RBFOX2: variants seen among roughly 807,000 people sequenced by gnomAD.
The protein encoded by RBFOX2 is RNA binding protein fox-1 homolog 2.
Under a neutral mutation model 49.1 loss-of-function variants are expected in RBFOX2, and 10 were observed. The ratio of observed to expected loss-of-function variants is 0.20; its 90% CI spans 0.13 to 0.35. The LOEUF (loss-of-function observed/expected upper bound fraction) is 0.35, where lower values mean the gene tolerates loss of function less well. Ranked by LOEUF, RBFOX2 falls within the 10% of genes least tolerant of loss-of-function variation. RBFOX2 has a pLI of 1.00. For synonymous variants in RBFOX2, 183 were observed against 187.4 expected, an observed-to-expected ratio of 0.98 and a Z score of 0.19; for missense variants, 323 against 486.9, an observed-to-expected ratio of 0.66 and a Z score of 3.17.
chr22:35,845,222 A>G (rs1389046585), upstream of RBFOX2, among the ~76,000 whole-genome samples: 1 of 152,164 alleles, frequency 6.6e-6, no homozygotes, highest in Non-Finnish European at 1.5e-5. Flanking sequence ...TTTACACCTA[A>G]CAGATATTAA....
At chr22:35,754,601 C>T (rs1314531862) in intron 9 of RBFOX2, among the ~76,000 whole-genome samples, 1 of 152,144 alleles carries the variant, frequency 6.6e-6, no homozygotes, top group Non-Finnish European at 1.5e-5. Context: ...GGAGAATGTA[C>T]ATGCTAACAT....
At chr22:35,985,919 GATA>G (rs2057697183) in intron 1 of RBFOX2, among the ~76,000 whole-genome samples, 3 of 130,594 alleles carry the variant, frequency 2.3e-5, no homozygotes, top group African/African-American at 8.6e-5. Flanking sequence ...TAGATAGATA[GATA>G]GATAGATAGA....
chr22:36,011,971 C>G (rs2058838888), intron 1 of RBFOX2, among the ~76,000 whole-genome samples: 1 of 152,116 alleles, frequency 6.6e-6, no homozygotes, highest in Non-Finnish European at 1.5e-5. Flanking sequence ...AGGGCTGGTA[C>G]AGATAATTTC....
chr22:35,776,201 A>T, intron 4 of RBFOX2, among the ~76,000 whole-genome samples: 1 of 152,210 alleles, frequency 6.6e-6, no homozygotes, highest in Admixed American at 6.5e-5. Context: ...TAGCTAAAAA[A>T]GATCACATAA....
At chr22:35,946,613 A>T (rs535820094) in intron 1 of RBFOX2, among the ~76,000 whole-genome samples, 1 of 152,322 alleles carries the variant, frequency 6.6e-6, no homozygotes, top group African/African-American at 2.4e-5. Flanking sequence ...CTATGGGAAT[A>T]AATCCTACAA....
chr22:35,742,941 A>C (rs891761815), exon 12 of RBFOX2: 1 of 152,898 alleles, frequency 6.5e-6, no homozygotes, highest in African/African-American at 2.4e-5. Flanking sequence ...CGGGATAGCC[A>C]CAGGCTCAAG....
At position 35,759,824 on chromosome 22, in the gene RBFOX2, G is replaced by T; in HGVS notation, c.887+64C>A. ...ATCCCAGAAGTTATGAAAGGGCCAT[G>T]GTATTCTTTTTTGGTCCAACTGCTT... On this transcript the variant is annotated intron_variant, in intron 9 of 11. Coordinates refer to ENST00000405409, the Ensembl canonical transcript of RBFOX2. This position sits in a 1 kb window ranked among gnomAD's most constrained non-coding sequence, Gnocchi z 4.6. 6.3e-7 allele frequency: 1 copy of T among 1,591,130 alleles called. No individual in the cohort carries two copies. The highest frequency in any genetic ancestry group is 8.6e-7 in the Non-Finnish European group (1 of 1,161,622).
exon 12 of RBFOX2, chr22:35,742,150 T>G (rs1461503548): frequency 6.6e-6 from 1 of 152,192 alleles, no homozygotes; most frequent in African/African-American, 2.4e-5. Flanking sequence ...AACCAAACTT[T>G]GGCTTGGGGT....
chr22:35,868,066 G>T (rs568107772), intron 1 of RBFOX2, among the ~76,000 whole-genome samples: 1 of 151,888 alleles, frequency 6.6e-6, no homozygotes, highest in South Asian at 2.1e-4. Flanking sequence ...CAAAAAATTA[G>T]CTGGGTGTGG....
intron 1 of RBFOX2, chr22:35,996,471 G>A (rs1018612687): frequency 6.6e-6 from 1 of 152,236 alleles, no homozygotes; most frequent in East Asian, 1.9e-4. Flanking sequence ...CAGGCATGGT[G>A]GCAAGTGCCT....
At chr22:36,005,548 T>A (rs1322524037) in intron 1 of RBFOX2, among the ~76,000 whole-genome samples, 1 of 152,206 alleles carries the variant, frequency 6.6e-6, no homozygotes, top group Non-Finnish European at 1.5e-5. Flanking sequence ...AGATAAAAGC[T>A]TTAAATAATT....
intron 6 of RBFOX2, among the ~76,000 whole-genome samples, chr22:35,764,944 A>AT (rs1471073037): frequency 2.6e-5 from 4 of 152,078 alleles, no homozygotes; most frequent in Non-Finnish European, 5.9e-5. Flanking sequence ...AACCATACCC[A>AT]TGGCTGTTAT....
At chr22:35,864,665 A>C (rs571732775) in intron 1 of RBFOX2, among the ~76,000 whole-genome samples, 1 of 152,256 alleles carries the variant, frequency 6.6e-6, no homozygotes, top group Admixed American at 6.5e-5. Flanking sequence ...TGAAAGAAAC[A>C]GAGCACAAGG....
chr22:36,012,850 C>T (rs778779204), intron 1 of RBFOX2, among the ~76,000 whole-genome samples: 13 of 151,856 alleles, frequency 8.6e-5, no homozygotes, highest in Non-Finnish European at 1.6e-4. Context: ...CTGCAACCTC[C>T]GCCTCCCAAA....
At chr22:35,937,826 T>G (rs961417408) in intron 1 of RBFOX2, among the ~76,000 whole-genome samples, 1 of 152,118 alleles carries the variant, frequency 6.6e-6, no homozygotes, top group African/African-American at 2.4e-5. Flanking sequence ...CCTGACCTCA[T>G]GATCCACCCA....
chr22:35,870,549 T>C (rs914636504), intron 1 of RBFOX2, among the ~76,000 whole-genome samples: 1 of 152,112 alleles, frequency 6.6e-6, no homozygotes, highest in Non-Finnish European at 1.5e-5. Flanking sequence ...ACTGAAAATA[T>C]CTGGATCACA....
intron 1 of RBFOX2, among the ~76,000 whole-genome samples, chr22:35,868,172 C>A (rs1228140970): frequency 6.6e-6 from 1 of 152,190 alleles, no homozygotes; most frequent in African/African-American, 2.4e-5. Context: ...AATGGCACCA[C>A]TGCACTCCAG....
At chr22:35,842,903 T>G (rs1183472461), upstream of RBFOX2, among the ~76,000 whole-genome samples, 1 of 152,170 alleles carries the variant, frequency 6.6e-6, no homozygotes, top group African/African-American at 2.4e-5. Flanking sequence ...CAGGAATTCA[T>G]GCTACTTTTC....
intron 9 of RBFOX2, chr22:35,747,808 A>C (rs1209709505): frequency 6.6e-6 from 1 of 152,162 alleles, no homozygotes; most frequent in Non-Finnish European, 1.5e-5. Context: ...AAATGTGCTC[A>C]TTTCTCATGG....
Sources: gnomAD v4.1 joint callset for allele counts (sites outside exome capture counted in the v4.1 genomes callset) on GRCh38, gnomAD v4.1.1 for gene constraint, Gnocchi (gnomAD v3.1) non-coding constraint, MANE v1.5 for transcripts, NCBI Gene and HGNC (gene_info 2026-07-23, HGNC 2026-07-21) for gene names.